Variants in FAM107B observed in about 807,000 individuals in gnomAD.
FAM107B encodes the protein protein FAM107B.
In FAM107B, 21 loss-of-function variants were observed where a neutral mutation model predicts 31.5. The ratio of observed to expected loss-of-function variants is 0.67; its 90% CI spans 0.47 to 0.96. The LOEUF is 0.96. FAM107B is among the 40% of genes least tolerant of loss of function. The pLI, the probability that FAM107B is intolerant of heterozygous loss-of-function variation, is 0.00. For missense variants in FAM107B, 452 were observed against 377.1 expected (o/e 1.20, Z -1.64); for synonymous variants, 157 against 141.5 (o/e 1.11, Z -0.78).
intron 2 of FAM107B, among the ~76,000 whole-genome samples, chr10:14,640,408 A>T (rs201839526): frequency 7.2e-5 from 11 of 152,164 alleles, no homozygotes; most frequent in Admixed American, 4.6e-4. Flanking sequence ...TCCATTGATC[A>T]CTTTAGCATA....
intron 2 of FAM107B, among the ~76,000 whole-genome samples, chr10:14,621,989 T>G (rs767862614): frequency 6.6e-6 from 1 of 152,210 alleles, no homozygotes; most frequent in Non-Finnish European, 1.5e-5. Context: ...ACTAATCAGA[T>G]GCATCTTAAA....
chr10:14,734,964 C>T (rs1037141992), intron 1 of FAM107B, among the ~76,000 whole-genome samples: 8 of 152,146 alleles, frequency 5.3e-5, no homozygotes, highest in African/African-American at 1.2e-4. Flanking sequence ...CTGTTCCAGC[C>T]GAATCTGCCA....
intron 3 of FAM107B, chr10:14,528,136 A>T (rs1846507964): frequency 4.7e-6 from 1 of 211,730 alleles, no homozygotes; most frequent in Admixed American, 5.9e-5. Flanking sequence ...TATTATGTTA[A>T]GCATTTTCAT....
intron 2 of FAM107B, among the ~76,000 whole-genome samples, chr10:14,633,364 G>A (rs1853417120): frequency 6.6e-6 from 1 of 152,060 alleles, no homozygotes; most frequent in Non-Finnish European, 1.5e-5. Flanking sequence ...ATAGACTCCT[G>A]GTTTTCAAAT....
At chr10:14,746,483 G>T (rs188322187) in intron 1 of FAM107B, among the ~76,000 whole-genome samples, 1 of 152,204 alleles carries the variant, frequency 6.6e-6, no homozygotes, top group South Asian at 2.1e-4. Flanking sequence ...TTGCAAGGCA[G>T]GCCTGGTGGT....
At position 14,742,891 on chromosome 10, in the gene FAM107B, C is replaced by T. The variant is rs2609811; in HGVS notation, c.411+31362G>A. 1.2e-3 allele frequency among the ~76,000 whole-genome samples: 180 copies of T among 151,966 alleles called. 1 individual carries two copies. The highest frequency in any genetic ancestry group is 2.2e-3 in the Admixed American group (33 of 15,282). On this transcript the variant is annotated intron_variant, in intron 1 of 4. Coordinates refer to ENST00000181796, the MANE Select transcript of FAM107B (RefSeq NM_031453.4). The stretch of plus-strand genomic sequence containing the variant: ...AATCTTCCTGGCCACCACTCCACTG[C>T]GACAACTCTCACAAAGGTCACCAAT...
chr10:14,673,478 T>A (rs570880061), intron 1 of FAM107B, among the ~76,000 whole-genome samples: 1 of 152,346 alleles, frequency 6.6e-6, no homozygotes, highest in East Asian at 1.9e-4. Flanking sequence ...ATTCTTTTTT[T>A]AAATGTCTGA....
At chr10:14,647,960 C>T (rs549328764) in intron 2 of FAM107B, among the ~76,000 whole-genome samples, 1 of 146,504 alleles carries the variant, frequency 6.8e-6, no homozygotes, top group Non-Finnish European at 1.5e-5. Context: ...AAGTCTTCTG[C>T]GGAGAAACTG....
chr10:14,579,905 C>T (rs1851580334), intron 2 of FAM107B, among the ~76,000 whole-genome samples: 1 of 151,928 alleles, frequency 6.6e-6, no homozygotes, highest in Non-Finnish European at 1.5e-5. Context: ...ACCTGCAGTC[C>T]CAGATACTTG....
intron 1 of FAM107B, among the ~76,000 whole-genome samples, chr10:14,686,573 T>C (rs1350255692): frequency 1.3e-5 from 2 of 152,204 alleles, no homozygotes; most frequent in East Asian, 3.9e-4. Flanking sequence ...TCTGGTTTCC[T>C]GTAGAACCTT....
intron 1 of FAM107B, among the ~76,000 whole-genome samples, chr10:14,758,427 C>T (rs1022889514): frequency 2.0e-5 from 3 of 152,128 alleles, no homozygotes; most frequent in Non-Finnish European, 4.4e-5. Context: ...ATTCTGGCTG[C>T]GTGTTAGAAT....
chr10:14,573,396 C>T (rs867470565), intron 2 of FAM107B, among the ~76,000 whole-genome samples: 13 of 152,010 alleles, frequency 8.6e-5, no homozygotes, highest in Non-Finnish European at 1.5e-4. Flanking sequence ...AGATGCAGGC[C>T]CTCGACCTTG....
At chr10:14,595,295 G>A (rs989056567) in intron 2 of FAM107B, among the ~76,000 whole-genome samples, 2 of 152,024 alleles carry the variant, frequency 1.3e-5, no homozygotes, top group Non-Finnish European at 2.9e-5. Context: ...AGGTACTTTC[G>A]TATCAATCTC....
At chr10:14,703,522 A>T (rs1326518716) in intron 1 of FAM107B, among the ~76,000 whole-genome samples, 1 of 151,930 alleles carries the variant, frequency 6.6e-6, no homozygotes. Flanking sequence ...TTTAGTAGAG[A>T]CAGGGTTTCA....
chr10:14,761,598 C>CTTTTTTCTT (rs1833048405), intron 1 of FAM107B, among the ~76,000 whole-genome samples: 1 of 151,814 alleles, frequency 6.6e-6, no homozygotes, highest in East Asian at 1.9e-4. Flanking sequence ...GGAGATAGCT[C>CTTTTTTCTT]TTTTTTCTTT....
intron 2 of FAM107B, among the ~76,000 whole-genome samples, chr10:14,611,525 TATA>T (rs1564599747): frequency 1.3e-4 from 15 of 116,866 alleles, no homozygotes; most frequent in African/African-American, 4.4e-4. Flanking sequence ...TATATATATA[TATA>T]TTCACCTAAC....
Position 14,767,055 on chromosome 10 carries a change from TAGAGAGAG to T in FAM107B, c.411+7190_411+7197del, listed in dbSNP as rs1186875187. Among the ~76,000 whole-genome samples the T allele has an allele frequency of 8.4e-3, 154 of 18,232 alleles. 4 individuals carry two copies. Among genetic ancestry groups the T allele is most frequent in the East Asian group, 0.019 (5 of 258 alleles). 12.0% of individuals were successfully genotyped at this position (18,232 alleles called of 152,430 possible). ...ATATATATATATATATATATATATA[TAGAGAGAG>T]AGAGAGAGAGAGAGAGAGAGAGAGA... is the stretch of plus-strand genomic sequence containing the variant. On this transcript the variant is annotated intron_variant, in intron 1 of 4. Coordinates refer to ENST00000181796, the MANE Select transcript of FAM107B (RefSeq NM_031453.4).
chr10:14,756,068 A>G (rs1270301232), intron 1 of FAM107B, among the ~76,000 whole-genome samples: 1 of 152,228 alleles, frequency 6.6e-6, no homozygotes, highest in Non-Finnish European at 1.5e-5. Context: ...ATTGGCACCT[A>G]GAGCAGGCCC....
intron 2 of FAM107B, among the ~76,000 whole-genome samples, chr10:14,645,462 T>C (rs991004534): frequency 6.7e-6 from 1 of 148,328 alleles, no homozygotes; most frequent in African/African-American, 2.5e-5. Context: ...ACACTGTGGC[T>C]GTCTGATTCA....
Sources: allele counts gnomAD v4.1 joint callset (sites outside exome capture counted in the v4.1 genomes callset), GRCh38; gene constraint gnomAD v4.1.1; transcripts MANE v1.5; gene names NCBI Gene and HGNC (gene_info 2026-07-23, HGNC 2026-07-21).